OXNAD1: variants seen among roughly 807,000 people sequenced by gnomAD.
OXNAD1 encodes oxidoreductase NAD binding domain containing 1, also known as oxidoreductase NAD-binding domain-containing protein 1.
A neutral mutation model predicts 32.9 loss-of-function variants in OXNAD1; 34 were observed. The ratio of observed to expected loss-of-function variants is 1.03; its 90% CI spans 0.79 to 1.38. The LOEUF (loss-of-function observed/expected upper bound fraction) is 1.38. Among genes scored for constraint, OXNAD1 ranks in the 40% most tolerant of loss-of-function variants. The pLI, the probability that OXNAD1 is intolerant of heterozygous loss-of-function variation, is 0.00. For missense variants in OXNAD1, 407 were observed against 379.4 expected (o/e 1.07, Z -0.60); for synonymous variants, 134 against 135.2 (o/e 0.99, Z 0.06).
intron 9 of OXNAD1, among the ~76,000 whole-genome samples, chr3:16,332,764 T>C (rs900611081): frequency 1.3e-5 from 2 of 151,488 alleles, no homozygotes; most frequent in Non-Finnish European, 2.9e-5. Flanking sequence ...TCCATCTATC[T>C]AAAAATTTGT....
At chr3:16,318,920 G>T (rs2068731510) in intron 9 of OXNAD1, among the ~76,000 whole-genome samples, 1 of 152,184 alleles carries the variant, frequency 6.6e-6, no homozygotes, top group South Asian at 2.1e-4. Context: ...TGGTGTCTCA[G>T]ACCCACCTCC....
chr3:16,333,199 C>T (rs2070499204), intron 9 of OXNAD1, among the ~76,000 whole-genome samples: 1 of 152,124 alleles, frequency 6.6e-6, no homozygotes, highest in African/African-American at 2.4e-5. Flanking sequence ...GCTAAATCAC[C>T]AACAAAAAGC....
chr3:16,306,374 C>T (rs539592022), downstream of OXNAD1, among the ~76,000 whole-genome samples: 121 of 152,232 alleles, frequency 7.9e-4, no homozygotes, highest in African/African-American at 2.9e-3. Flanking sequence ...TATCGTGTCA[C>T]TTCTAAATTC....
chr3:16,313,922 T>C (rs938206655), intron 9 of OXNAD1, among the ~76,000 whole-genome samples: 1 of 152,168 alleles, frequency 6.6e-6, no homozygotes, highest in African/African-American at 2.4e-5. Flanking sequence ...AGAATTCTTC[T>C]TCCTCCCATC....
intron 9 of OXNAD1, among the ~76,000 whole-genome samples, chr3:16,333,775 AT>A (rs2070566155): frequency 6.6e-6 from 1 of 152,234 alleles, no homozygotes; most frequent in Non-Finnish European, 1.5e-5. Flanking sequence ...AATAATCCAA[AT>A]TTTAAAAGGG....
At position 16,299,075 on chromosome 3, in the gene OXNAD1, T is replaced by G. The variant is rs545990715; in HGVS notation, c.433-2551T>G. On this transcript the variant is annotated intron_variant, in intron 6 of 8. Coordinates refer to ENST00000285083, the MANE Select transcript of OXNAD1 (RefSeq NM_138381.5). This position sits in a 1 kb window ranked among gnomAD's most constrained non-coding sequence, Gnocchi z 4.4. ...CCCTGGGGCACATTTTCTTGCCAAC[T>G]TTAGAGTTGAAAATACTCTGGTTTC... Among the ~76,000 whole-genome samples the G allele has an allele frequency of 2.0e-5, 3 of 152,216 alleles. No individual in the cohort carries two copies. The highest frequency in any genetic ancestry group is 4.4e-5 in the Non-Finnish European group (3 of 68,038).
At position 16,317,221 on chromosome 3, in the gene OXNAD1, T is replaced by A. The variant is rs1198815688; in HGVS notation, c.*30+13629T>A. 2 of 1,612,350 alleles carry A rather than the reference T, an allele frequency of 1.2e-6. No homozygotes were observed. Among genetic ancestry groups the A allele is most frequent in the African/African-American group, 2.7e-5 (2 of 74,776 alleles). On this transcript the variant is annotated intron_variant, in intron 9 of 9. Transcript: ENST00000435829. The surrounding 1 kb of genome is among the most constrained non-coding windows in gnomAD (Gnocchi z 4.3). ...TGTTGTGCATTTCTTCTCTGGAGAA[T>A]CGCCACTGAAACTAGAAATCAGAAA...
rs1425746178 is a variant in OXNAD1 at position 16,312,577 on chromosome 3, C to T, written c.*30+8985C>T. ...AGCCCAGACTGTGTGCTCCCTGCAG[C>T]ACAGTGCCCCTATGCCAGCTAGGAG... On this transcript the variant is annotated intron_variant, in intron 9 of 9. Transcript: ENST00000435829. The surrounding 1 kb of genome is among the most constrained non-coding windows in gnomAD (Gnocchi z 4.7). Among the ~76,000 whole-genome samples the T allele has an allele frequency of 6.6e-6, 1 of 152,220 alleles. No individual in the cohort carries two copies. Among genetic ancestry groups the T allele is most frequent in the African/African-American group, 2.4e-5 (1 of 41,448 alleles).
At position 16,305,367 on chromosome 3, in the gene OXNAD1, CAGAG is replaced by C. The variant is rs902453529; in HGVS notation, c.*1808_*1811del. On this transcript the variant is annotated 3_prime_UTR_variant, in exon 9 of 9. Coordinates refer to ENST00000285083, the MANE Select transcript of OXNAD1 (RefSeq NM_138381.5). This position sits in a 1 kb window ranked among gnomAD's most constrained non-coding sequence, Gnocchi z 4.5. ...CGGCTGGCTGTGTGCCTGCTACTGT[CAGAG>C]AGCAAGGGTCATCTGTCCTGCCCAG... is the stretch of plus-strand genomic sequence containing the variant. The C allele has an allele frequency of 5.9e-5, 9 of 152,248 alleles. No individual in the cohort carries two copies. Among genetic ancestry groups the C allele is most frequent in the Non-Finnish European group, 1.2e-4 (8 of 68,074 alleles). 9.4% of individuals were successfully genotyped at this position (152,248 alleles called of 1,614,324 possible). A position where few individuals can be genotyped will look rare whatever the true frequency, so the allele number is the denominator to read the frequency against.
At chr3:16,337,846 A>C (rs1443881628), downstream of OXNAD1, among the ~76,000 whole-genome samples, 3 of 152,122 alleles carry the variant, frequency 2.0e-5, no homozygotes, top group East Asian at 5.8e-4. The surrounding 1 kb of genome is among the most constrained non-coding windows in gnomAD (Gnocchi z 5.0). Flanking sequence ...CACCACACTC[A>C]AGGCTGGCAC....
chr3:16,276,237 CTG>C (rs1330935510), intron 4 of OXNAD1: 1 of 247,016 alleles, frequency 4.0e-6, no homozygotes, highest in Non-Finnish European at 7.9e-6. Context: ...GGGAGCACAT[CTG>C]TGTTAACTAT....
In OXNAD1 at chr3:16,271,248, G is replaced by C. The variant is rs1041983436; in HGVS notation, c.119+177G>C. Reference sequence around the variant, plus strand: ...AGATGGAGTCTTGCTCCGTCGCCTGGGCTGGAGTGCAGTGGCACGATCTTA... The same window carrying C: ...AGATGGAGTCTTGCTCCGTCGCCTGCGCTGGAGTGCAGTGGCACGATCTTA... On this transcript the variant is annotated intron_variant, in intron 3 of 8. Transcript: ENST00000285083. The surrounding 1 kb of genome is among the most constrained non-coding windows in gnomAD (Gnocchi z 4.6). 3.7e-5 allele frequency: 27 copies of C among 734,526 alleles called. No individual in the cohort carries two copies. The highest frequency in any genetic ancestry group is 5.9e-5 in the Non-Finnish European group (27 of 459,654). The allele number at this position is 734,526 out of a possible 1,614,324, so 45.5% of individuals were successfully genotyped here. A position where few individuals can be genotyped will look rare whatever the true frequency, so the allele number is the denominator to read the frequency against.
At chr3:16,292,320 A>C (rs894032864) in intron 5 of OXNAD1, among the ~76,000 whole-genome samples, 6 of 151,500 alleles carry the variant, frequency 4.0e-5, no homozygotes, top group African/African-American at 1.5e-4. Flanking sequence ...CCTCCCAAGT[A>C]GCTGGGACTA....
rs1160939614 is a variant in OXNAD1 at position 16,345,817 on chromosome 3, T to TGTGTGTGTGTGTGTGTGTGTGTGCGC, written c.*31-3358_*31-3357insTGTGTGTGTGTGTGTGTGTGTGCGCG. On this transcript the variant is annotated intron_variant, in intron 9 of 9. Transcript: ENST00000606098. This position sits in a 1 kb window ranked among gnomAD's most constrained non-coding sequence, Gnocchi z 5.2. ...GTGTGTGTGTGTGTGTGTGTGTGTG[T>TGTGTGTGTGTGTGTGTGTGTGTGCGC]GCGCGCGCGCGTGCGCGCACGCGCA... Among the ~76,000 whole-genome samples, 1 of 74,538 alleles carries TGTGTGTGTGTGTGTGTGTGTGTGCGC rather than the reference T, an allele frequency of 1.3e-5. No individual in the cohort carries two copies. Among genetic ancestry groups the TGTGTGTGTGTGTGTGTGTGTGTGCGC allele is most frequent in the African/African-American group, 5.5e-5 (1 of 18,090 alleles). 48.9% of individuals were successfully genotyped at this position (74,538 alleles called of 152,430 possible).
chr3:16,296,889 A>G (rs1368951167), intron 6 of OXNAD1, among the ~76,000 whole-genome samples: 1 of 152,234 alleles, frequency 6.6e-6, no homozygotes, highest in African/African-American at 2.4e-5. Context: ...ACATGGTACT[A>G]TAAAAGTTCT....
chr3:16,286,269 C>T, intron 4 of OXNAD1, 73 bp from the exon 5 acceptor site: 1 of 1,199,218 alleles, frequency 8.3e-7, no homozygotes, highest in Non-Finnish European at 1.2e-6. Flanking sequence ...AACCTTAGTT[C>T]TCAGGATGCC....
rs1019512965 is a variant in OXNAD1, at chr3:16,314,353, G to A, written c.*30+10761G>A. 6.6e-6 allele frequency: 1 copy of A among 152,104 alleles called. No individual in the cohort carries two copies. Among genetic ancestry groups the A allele is most frequent in the Admixed American group, 6.5e-5 (1 of 15,268 alleles). The allele number at this position is 152,104 out of a possible 1,614,324, so 9.4% of individuals were successfully genotyped here. On this transcript the variant is annotated intron_variant, in intron 9 of 9. Coordinates refer to the OXNAD1 transcript ENST00000435829. This position sits in a 1 kb window ranked among gnomAD's most constrained non-coding sequence, Gnocchi z 4.4. ...TTAGGGCCTTTATTATTTACCACTT[G>A]TAGAAAGCATTTTATTTCACAAGCT...
At chr3:16,323,272 GCCCTTGGAAGCTGGA>G (rs1239830399) in intron 9 of OXNAD1, 10 of 804,676 alleles carry the variant, frequency 1.2e-5, no homozygotes, top group Non-Finnish European at 2.0e-5. Context: ...GGCTCTGCGA[GCCCTTGGAAGCTGGA>G]GCAGGCTGCC....
In OXNAD1 at chr3:16,284,736, T is replaced by A. The variant is rs941317737; in HGVS notation, c.184-1606T>A. Among the ~76,000 whole-genome samples the A allele has an allele frequency of 1.3e-5, 2 of 152,226 alleles. No individual in the cohort carries two copies. The highest frequency in any genetic ancestry group is 2.9e-5 in the Non-Finnish European group (2 of 68,038). ...CCCTATGAGGTATAGGTGGTATTAT[T>A]CTCATTTTATAGCTGAGGAGGGCTA... On this transcript the variant is annotated intron_variant, in intron 4 of 8. Coordinates refer to ENST00000285083, the MANE Select transcript of OXNAD1 (RefSeq NM_138381.5). This position sits in a 1 kb window ranked among gnomAD's most constrained non-coding sequence, Gnocchi z 4.1.
Sources: allele counts gnomAD v4.1 joint callset (sites outside exome capture counted in the v4.1 genomes callset), GRCh38; gene constraint gnomAD v4.1.1; non-coding constraint Gnocchi (gnomAD v3.1); transcripts MANE v1.5; gene names NCBI Gene and HGNC (gene_info 2026-07-23, HGNC 2026-07-21).